PCDHA7: variants seen among roughly 807,000 people sequenced by gnomAD.
The protein encoded by PCDHA7 is protocadherin alpha-7.
Under a neutral mutation model 57.2 loss-of-function variants are expected in PCDHA7, and 37 were observed. That is an observed-to-expected ratio of 0.65 (90% CI 0.50 to 0.85). The LOEUF is 0.85. PCDHA7 is among the 40% of genes least tolerant of loss of function. The probability of loss-of-function intolerance (pLI) is 0.00; values close to 1 mark genes in which losing one functional copy is unlikely to be tolerated. For synonymous variants in PCDHA7, 553 were observed against 558.8 expected (o/e 0.99, Z 0.15); for missense variants, 1,188 against 1,241.8 (o/e 0.96, Z 0.65).
chr5:140,979,058 C>A, intron 2 of PCDHA7, 51 bp downstream of exon 2: 3 of 1,606,096 alleles, frequency 1.9e-6, no homozygotes, highest in Non-Finnish European at 2.6e-6. Context: ...CTTGGTATGG[C>A]TCAGATAAAC....
intron 3 of PCDHA7, among the ~76,000 whole-genome samples, chr5:140,996,816 A>G (rs1587722851): frequency 6.6e-6 from 1 of 152,264 alleles, no homozygotes; most frequent in Non-Finnish European, 1.5e-5. Flanking sequence ...TTCCAAAAGT[A>G]ACCACTACCA....
At chr5:140,983,783 G>A (rs2097068046) in intron 3 of PCDHA7, among the ~76,000 whole-genome samples, 1 of 152,130 alleles carries the variant, frequency 6.6e-6, no homozygotes, top group Non-Finnish European at 1.5e-5. Context: ...ATACATAACA[G>A]ATGACAGAAT....
intron 1 of PCDHA7, chr5:140,966,362 A>C: frequency 2.5e-6 from 1 of 400,494 alleles, no homozygotes; most frequent in Non-Finnish European, 4.4e-6. Flanking sequence ...GGGGCTGGAG[A>C]GGCTGAGCAG....
chr5:140,883,447 C>A, intron 1 of PCDHA7: 1 of 1,614,168 alleles, frequency 6.2e-7, no homozygotes. Context: ...CGCCGCATGT[C>A]CCCTTCAAGC....
At chr5:140,846,379 T>C (rs1554141291) in intron 1 of PCDHA7, among the ~76,000 whole-genome samples, 2 of 135,592 alleles carry the variant, frequency 1.5e-5, no homozygotes, top group South Asian at 2.3e-4. Context: ...CTTTCTTTTT[T>C]TTTTTTTTTT....
chr5:140,951,210 G>C (rs541010152), intron 1 of PCDHA7, among the ~76,000 whole-genome samples: 4 of 151,862 alleles, frequency 2.6e-5, no homozygotes, highest in African/African-American at 9.7e-5. Flanking sequence ...TGTCATCTCA[G>C]GTTTGGATTC....
rs371820170 is a variant in PCDHA7, at chr5:140,871,346, C to T, written c.2355+34608C>T. 1.1e-5 allele frequency: 17 copies of T among 1,614,104 alleles called. No homozygotes were observed. Among genetic ancestry groups the T allele is most frequent in the African/African-American group, 4.0e-5 (3 of 74,954 alleles). ...TGCTCCCGCGCGGTGGGGAGCTGGT[C>T]ATACTCGCAGCAGAGGCGGCAGAGG... is the stretch of plus-strand genomic sequence containing the variant. On this transcript the variant is annotated intron_variant, in intron 1 of 3. Transcript: ENST00000525929.
rs185971380 is a variant in PCDHA7, at chr5:140,858,398, G to C, written c.2355+21660G>C. The C allele has an allele frequency of 3.8e-6, 6 of 1,574,020 alleles. No homozygotes were observed. Among genetic ancestry groups the C allele is most frequent in the South Asian group, 2.3e-5 (2 of 88,596 alleles). ...ACCATGCCCAATGGTAGATGTGGACGGGGAAGATCAGTCTATTGGAGGGGA... is the reference window on the plus strand; with the variant it reads ...ACCATGCCCAATGGTAGATGTGGACCGGGAAGATCAGTCTATTGGAGGGGA... On this transcript the variant is annotated intron_variant, in intron 1 of 3. Coordinates refer to ENST00000525929, the MANE Select transcript of PCDHA7 (RefSeq NM_018910.3).
intron 1 of PCDHA7, chr5:140,869,037 C>A: frequency 1.3e-6 from 2 of 1,528,404 alleles, no homozygotes; most frequent in South Asian, 2.6e-5. Context: ...AGATTTTTAA[C>A]CTGAAACTGA....
chr5:140,841,782 T>C (rs1777485845), intron 1 of PCDHA7: 1 of 1,613,764 alleles, frequency 6.2e-7, no homozygotes, highest in Non-Finnish European at 8.5e-7. Context: ...CGGTTTCCGC[T>C]AGAGGGCGCG....
chr5:140,928,461 C>T, intron 1 of PCDHA7: 2 of 1,614,108 alleles, frequency 1.2e-6, no homozygotes, highest in Non-Finnish European at 1.7e-6. Context: ...GGTTTCATTT[C>T]CAAGTAGAAG....
intron 1 of PCDHA7, chr5:140,864,284 T>C (rs573508000): frequency 1.3e-5 from 2 of 152,220 alleles, no homozygotes; most frequent in Non-Finnish European, 2.9e-5. Flanking sequence ...CCTTATTGTT[T>C]TTATGTATTC....
chr5:140,987,398 A>G (rs935672912), intron 3 of PCDHA7, among the ~76,000 whole-genome samples: 4 of 152,140 alleles, frequency 2.6e-5, no homozygotes, highest in African/African-American at 9.7e-5. Context: ...CAAGGAAGCC[A>G]TCTGTTTATG....
At chr5:140,879,805 A>T (rs992856039) in intron 1 of PCDHA7, among the ~76,000 whole-genome samples, 2 of 152,128 alleles carry the variant, frequency 1.3e-5, no homozygotes, top group Non-Finnish European at 1.5e-5. Context: ...TCCAGTTTCT[A>T]TTGGCTGTTG....
chr5:140,850,004 G>C lies in PCDHA7; in HGVS notation c.2355+13266G>C. On this transcript the variant is annotated intron_variant, in intron 1 of 3. Transcript: ENST00000525929. Reference sequence around the variant, plus strand: ...TGGAGCGGCGGTTGGGCGAGCGCTCGCTGTCGAGCTACGTGTCAGTGCACG... The same window carrying C: ...TGGAGCGGCGGTTGGGCGAGCGCTCCCTGTCGAGCTACGTGTCAGTGCACG... 3 of 1,596,990 alleles carry C rather than the reference G, an allele frequency of 1.9e-6. 1 individual carries two copies. Among genetic ancestry groups the C allele is most frequent in the Non-Finnish European group, 2.6e-6 (3 of 1,167,858 alleles).
intron 1 of PCDHA7, among the ~76,000 whole-genome samples, chr5:140,915,921 T>C (rs2077370703): frequency 6.6e-6 from 1 of 152,286 alleles, no homozygotes; most frequent in African/African-American, 2.4e-5. Context: ...GAGATGCTAC[T>C]TGGGAGTCAG....
intron 1 of PCDHA7, chr5:140,841,406 G>A: frequency 6.2e-7 from 1 of 1,613,082 alleles, no homozygotes; most frequent in Non-Finnish European, 8.5e-7. Context: ...GGTGGGGAGC[G>A]GCCAGCTCCA....
chr5:140,838,779 A>C lies in PCDHA7; in HGVS notation c.2355+2041A>C, dbSNP rs1039097840. Among the ~76,000 whole-genome samples the C allele has an allele frequency of 1.8e-4, 28 of 152,056 alleles. 1 individual carries two copies. The highest frequency in any genetic ancestry group is 1.5e-3 in the Admixed American group (23 of 15,270). ...TTGTAGAGACTTTGTAAAATTAGCT[A>C]TGCATGGTGATGCATGTCTGTAGTT... is the stretch of plus-strand genomic sequence containing the variant. On this transcript the variant is annotated intron_variant, in intron 1 of 3. Coordinates refer to ENST00000525929, the MANE Select transcript of PCDHA7 (RefSeq NM_018910.3).
At chr5:140,840,195 GA>G (rs1173726690) in intron 1 of PCDHA7, among the ~76,000 whole-genome samples, 15 of 152,034 alleles carry the variant, frequency 9.9e-5, no homozygotes, top group African/African-American at 3.6e-4. Context: ...GTAGGCAAAG[GA>G]AAAGAAGTCA....
Sources: gnomAD v4.1 joint callset for allele counts (sites outside exome capture counted in the v4.1 genomes callset) on GRCh38, gnomAD v4.1.1 for gene constraint, MANE v1.5 for transcripts, NCBI Gene and HGNC (gene_info 2026-07-23, HGNC 2026-07-21) for gene names.